The following DDX10 variants were observed in gnomAD, a reference collection of about 807,000 sequenced individuals.
DDX10 encodes DEAD-box helicase 10.
In DDX10, 74 loss-of-function variants were observed where a neutral mutation model predicts 104.3. The observed-to-expected ratio is 0.71, with a 90% confidence interval of 0.59 to 0.86. DDX10 has a LOEUF of 0.86. Ranked by LOEUF, DDX10 falls within the 40% of genes least tolerant of loss-of-function variation. The probability of loss-of-function intolerance (pLI) is 0.00; values close to 1 mark genes in which losing one functional copy is unlikely to be tolerated. For missense variants in DDX10, 952 were observed against 1,040.0 expected (o/e 0.92, Z 1.16); for synonymous variants, 351 against 353.4 (o/e 0.99, Z 0.08).
At chr11:108,746,229 A>G (rs1042971139) in intron 13 of DDX10, among the ~76,000 whole-genome samples, 1 of 151,910 alleles carries the variant, frequency 6.6e-6, no homozygotes, top group African/African-American at 2.4e-5. Context: ...GCACTGGTCT[A>G]TTTTCTCTAT....
chr11:108,704,770 T>G (rs1454449385), intron 9 of DDX10, among the ~76,000 whole-genome samples: 1 of 152,176 alleles, frequency 6.6e-6, no homozygotes, highest in Non-Finnish European at 1.5e-5. Context: ...AAACAGATAA[T>G]TGGTGAAAGT....
At chr11:108,673,550 A>T in intron 2 of DDX10, 23 bp downstream of exon 2, 3 of 1,532,866 alleles carry the variant, frequency 2.0e-6, no homozygotes, top group Non-Finnish European at 2.7e-6. Flanking sequence ...TGATCTTGGG[A>T]TGTGTTATTG....
chr11:108,719,101 A>G (rs909690818), intron 11 of DDX10, among the ~76,000 whole-genome samples: 1 of 122,330 alleles, frequency 8.2e-6, no homozygotes, highest in African/African-American at 2.8e-5. Context: ...TAGTATGAAG[A>G]TAGTTTTTTT....
intron 3 of DDX10, 48 bp downstream of exon 3, chr11:108,675,774 A>G: frequency 6.3e-7 from 1 of 1,599,824 alleles, no homozygotes; most frequent in Non-Finnish European, 8.5e-7. Context: ...CAATTTTATA[A>G]CATTCTGTGC....
rs754661695 is a variant in DDX10 at position 108,723,202 on chromosome 11, A to T, written c.1705A>T (p.Thr569Ser). 1.9e-6 allele frequency: 3 copies of T among 1,613,806 alleles called. No homozygotes were observed. The highest frequency in any genetic ancestry group is 1.7e-6 in the Non-Finnish European group (2 of 1,179,878). Residue 569 changes from threonine (T) to serine (S), a missense_variant, in exon 13 of 18, where the codon ACA becomes TCA. Around this residue, in one of 3 missense-constraint regions of DDX10, gnomAD observed 533 missense variants for 534.1 expected, o/e 1.00. Coordinates refer to ENST00000322536, the MANE Select transcript of DDX10 (RefSeq NM_004398.4). Reference protein sequence around the residue: ...LQKGGKRLEGTEHRQDNDTGN... With the variant: ...LQKGGKRLEGSEHRQDNDTGN... ...AAAAGGTGGAAAAAGACTCGAAGGG[A>T]CAGAGCACAGACAGGATAATGATAC...
At chr11:108,923,411 T>C (rs915016384) in intron 17 of DDX10, among the ~76,000 whole-genome samples, 15 of 152,354 alleles carry the variant, frequency 9.8e-5, no homozygotes, top group African/African-American at 3.6e-4. Context: ...AAAGCTTCTA[T>C]GTGGAGTGCC....
chr11:108,780,910 A>T (rs557183450), intron 13 of DDX10, among the ~76,000 whole-genome samples: 25 of 152,358 alleles, frequency 1.6e-4, no homozygotes, highest in African/African-American at 5.5e-4. Context: ...GGACTAAATG[A>T]AAAAACTTTA....
At chr11:108,842,358 TA>T (rs1367338172) in intron 15 of DDX10, among the ~76,000 whole-genome samples, 3 of 152,202 alleles carry the variant, frequency 2.0e-5, no homozygotes, top group African/African-American at 7.2e-5. Flanking sequence ...AACACTGCTA[TA>T]TAATATTAAA....
intron 13 of DDX10, among the ~76,000 whole-genome samples, chr11:108,778,969 A>G (rs1287029531): frequency 4.6e-5 from 7 of 152,210 alleles, no homozygotes; most frequent in African/African-American, 1.7e-4. Flanking sequence ...GAGAAATGCA[A>G]ATCAAAACCA....
intron 16 of DDX10, among the ~76,000 whole-genome samples, chr11:108,907,763 A>T (rs377066906): frequency 6.6e-6 from 1 of 152,236 alleles, no homozygotes; most frequent in East Asian, 1.9e-4. Context: ...TATATATTAG[A>T]GATGCACCAA....
At chr11:108,668,365 T>C (rs1591785648) in intron 1 of DDX10, among the ~76,000 whole-genome samples, 2 of 150,996 alleles carry the variant, frequency 1.3e-5, no homozygotes, top group Middle Eastern at 6.8e-3. Flanking sequence ...TTTGTTTCAT[T>C]GTTGAAGGAG....
chr11:108,899,507 T>G (rs943020626), intron 16 of DDX10, among the ~76,000 whole-genome samples: 1 of 152,090 alleles, frequency 6.6e-6, no homozygotes, highest in Non-Finnish European at 1.5e-5. Context: ...TTTTTTTTTT[T>G]TGTAAAAAGA....
rs532864560 is a variant in DDX10 at position 108,685,285 on chromosome 11, A to G, written c.849-3651A>G. 4.7e-5 allele frequency among the ~76,000 whole-genome samples: 7 copies of G among 150,228 alleles called. No individual in the cohort carries two copies. In the South Asian group the frequency reaches 1.5e-3, roughly 33 times the overall value. ...AAAGCGCAATATTCGGGTGGGAGTGACCCGATTTTCCAGGTGCGTCCGTCA... is the reference window on the plus strand; with the variant it reads ...AAAGCGCAATATTCGGGTGGGAGTGGCCCGATTTTCCAGGTGCGTCCGTCA... On this transcript the variant is annotated intron_variant, in intron 6 of 17. Transcript: ENST00000322536.
At chr11:108,770,913 G>A (rs1348199565) in intron 13 of DDX10, among the ~76,000 whole-genome samples, 1 of 151,552 alleles carries the variant, frequency 6.6e-6, no homozygotes, top group Non-Finnish European at 1.5e-5. Flanking sequence ...GTTTTTTTTT[G>A]TGGAGTTTCC....
At chr11:108,890,396 G>A (rs1863359511) in intron 16 of DDX10, among the ~76,000 whole-genome samples, 1 of 152,056 alleles carries the variant, frequency 6.6e-6, no homozygotes, top group Middle Eastern at 3.2e-3. Context: ...TGTGTAGTAG[G>A]ATTTATCAGT....
chr11:108,774,697 G>GT (rs113362090), intron 13 of DDX10, among the ~76,000 whole-genome samples: 8 of 152,196 alleles, frequency 5.3e-5, no homozygotes, highest in African/African-American at 1.9e-4. Context: ...TGTATTCTGT[G>GT]TTTTCTCCAG....
At chr11:108,798,797 T>C (rs1861980460) in intron 13 of DDX10, among the ~76,000 whole-genome samples, 1 of 152,210 alleles carries the variant, frequency 6.6e-6, no homozygotes. Flanking sequence ...AAGTTTTAAC[T>C]TTGCATAGTG....
intron 13 of DDX10, among the ~76,000 whole-genome samples, chr11:108,823,328 A>C (rs1043091189): frequency 1.3e-5 from 2 of 152,170 alleles, no homozygotes; most frequent in African/African-American, 4.8e-5. Context: ...TTTACTGCAC[A>C]TGGTAGTTGT....
At chr11:108,774,608 T>G (rs1191490903) in intron 13 of DDX10, among the ~76,000 whole-genome samples, 2 of 152,158 alleles carry the variant, frequency 1.3e-5, no homozygotes, top group African/African-American at 4.8e-5. Context: ...GAGAACATTG[T>G]TTGGCATTTC....
Sources: allele counts gnomAD v4.1 joint callset (sites outside exome capture counted in the v4.1 genomes callset), GRCh38; gene constraint gnomAD v4.1.1; regional missense constraint gnomAD v4.1.1; transcripts MANE v1.5; gene names NCBI Gene and HGNC (gene_info 2026-07-23, HGNC 2026-07-21).